Variants in UBP1 observed in about 807,000 individuals in gnomAD.
UBP1 encodes the protein upstream-binding protein 1.
In UBP1, 22 loss-of-function variants were observed where a neutral mutation model predicts 76.1. The ratio of observed to expected loss-of-function variants is 0.29; its 90% CI spans 0.21 to 0.41. UBP1 has a LOEUF of 0.41. Ranked by LOEUF, UBP1 falls within the 10% of genes least tolerant of loss-of-function variation. UBP1 has a pLI of 1.00. For missense variants in UBP1, 436 were observed against 668.1 expected (o/e 0.65, Z 3.83); for synonymous variants, 224 against 237.1 (o/e 0.94, Z 0.51).
intron 8 of UBP1, among the ~76,000 whole-genome samples, chr3:33,406,509 T>A (rs144048711): frequency 7.2e-4 from 109 of 152,288 alleles, no homozygotes; most frequent in Non-Finnish European, 1.1e-3. Context: ...AAGTATCAAG[T>A]CTCTCTAAAC....
chr3:33,409,596 GTGTAC>G lies in UBP1; in HGVS notation c.556_560del (p.Val186LeufsTer14). 6.2e-7 allele frequency: 1 copy of G among 1,614,174 alleles called. No homozygotes were observed. Among genetic ancestry groups the G allele is most frequent in the Non-Finnish European group, 8.5e-7 (1 of 1,180,028 alleles). ...GTGGAGTAAATTCTGTGCTGATGCA[GTGTAC>G]CTATAAAACGATTCAGGCTGAAATG... is the stretch of plus-strand genomic sequence containing the variant. On this transcript the variant is annotated frameshift_variant and splice_region_variant, in exon 6 of 16. Coordinates refer to ENST00000283629, the MANE Select transcript of UBP1 (RefSeq NM_014517.5). LOFTEE classifies it high-confidence loss of function.
rs933497965 is a variant in UBP1, at chr3:33,389,355, G to A, written c.*976C>T. On this transcript the variant is annotated 3_prime_UTR_variant, in exon 16 of 16. Coordinates refer to ENST00000283629, the MANE Select transcript of UBP1 (RefSeq NM_014517.5). ...GAAAAAAATTCATCTTGTTCATAAT[G>A]AAGATCCCTTAACACCTAGTCAGAA... The A allele has an allele frequency of 6.6e-6, 1 of 152,142 alleles. No individual in the cohort carries two copies. The highest frequency in any genetic ancestry group is 2.4e-5 in the African/African-American group (1 of 41,252). 9.4% of individuals were successfully genotyped at this position (152,142 alleles called of 1,614,324 possible).
At chr3:33,405,863 C>T (rs972360740) in intron 8 of UBP1, among the ~76,000 whole-genome samples, 3 of 152,140 alleles carry the variant, frequency 2.0e-5, no homozygotes, top group Admixed American at 2.0e-4. Context: ...TTAAGTCTCA[C>T]CAATGGCTAC....
intron 13 of UBP1, among the ~76,000 whole-genome samples, chr3:33,395,875 A>T (rs2043972387): frequency 6.6e-6 from 1 of 151,148 alleles, no homozygotes; most frequent in African/African-American, 2.4e-5. Flanking sequence ...CCAGAACTCA[A>T]TGCATTCAAG....
At chr3:33,431,339 G>A (rs1383216112) in intron 1 of UBP1, among the ~76,000 whole-genome samples, 1 of 152,126 alleles carries the variant, frequency 6.6e-6, no homozygotes, top group Non-Finnish European at 1.5e-5. Context: ...TAGAACTGGT[G>A]AAATATACCA....
intron 1 of UBP1, among the ~76,000 whole-genome samples, chr3:33,431,350 A>G (rs1159751882): frequency 6.6e-6 from 1 of 152,340 alleles, no homozygotes; most frequent in African/African-American, 2.4e-5. Flanking sequence ...AAATATACCA[A>G]TTCATGGATT....
chr3:33,428,960 T>C (rs2045066931), intron 1 of UBP1, among the ~76,000 whole-genome samples: 1 of 152,078 alleles, frequency 6.6e-6, no homozygotes, highest in Non-Finnish European at 1.5e-5. Flanking sequence ...ATCTTTTCAG[T>C]GACAACATGA....
Position 33,425,570 on chromosome 3 carries a change from T to C in UBP1, c.265+20A>G, listed in dbSNP as rs774539634. ...TTTCTGTAAATTCTTACATGTCAAA[T>C]GTGACATAACCACACTAACCTTGGT... On this transcript the variant is annotated intron_variant, in intron 2 of 15. Transcript: ENST00000283629. 5.4e-6 allele frequency: 8 copies of C among 1,491,232 alleles called. No individual in the cohort carries two copies. The highest frequency in any genetic ancestry group is 7.3e-6 in the Non-Finnish European group (8 of 1,098,948). The allele number at this position is 1,491,232 out of a possible 1,614,324, so 92.4% of individuals were successfully genotyped here. A position where few individuals can be genotyped will look rare whatever the true frequency, so the allele number is the denominator to read the frequency against.
intron 8 of UBP1, among the ~76,000 whole-genome samples, chr3:33,406,465 A>G (rs2044430876): frequency 6.6e-6 from 1 of 152,196 alleles, no homozygotes; most frequent in Non-Finnish European, 1.5e-5. Flanking sequence ...AGCATAACAT[A>G]CATGTATAAA....
At chr3:33,395,641 G>T (rs2043948257) in intron 13 of UBP1, among the ~76,000 whole-genome samples, 1 of 149,520 alleles carries the variant, frequency 6.7e-6, no homozygotes, top group Non-Finnish European at 1.5e-5. Flanking sequence ...CACAATGCTG[G>T]CCGAACACTT....
At chr3:33,441,253 C>G (rs2045297922), upstream of UBP1, 1 of 152,276 alleles carries the variant, frequency 6.6e-6, no homozygotes, top group African/African-American at 2.4e-5. Flanking sequence ...AAAGCAGGAG[C>G]CAGAGGCTGA....
At position 33,389,965 on chromosome 3, in the gene UBP1, A is replaced by T; in HGVS notation, c.*366T>A. The T allele has an allele frequency of 4.9e-6, 1 of 203,622 alleles. No homozygotes were observed. The highest frequency in any genetic ancestry group is 1.0e-5 in the Non-Finnish European group (1 of 100,152). 12.6% of individuals were successfully genotyped at this position (203,622 alleles called of 1,614,324 possible). On this transcript the variant is annotated 3_prime_UTR_variant, in exon 16 of 16. Coordinates refer to ENST00000283629, the MANE Select transcript of UBP1 (RefSeq NM_014517.5). ...AAAGCCAAACTGGCACAGAAAGGTA[A>T]ATGCCCACAGTAAGTTTCTACATTC...
At chr3:33,437,607 G>GT (rs2154060309) in intron 1 of UBP1, among the ~76,000 whole-genome samples, 1 of 152,290 alleles carries the variant, frequency 6.6e-6, no homozygotes, top group South Asian at 2.1e-4. Flanking sequence ...AAATCAATTT[G>GT]TATCAAGAAG....
Position 33,400,198 on chromosome 3 carries a change from T to G in UBP1, c.1171A>C (p.Asn391His), listed in dbSNP as rs1183768688. Residue 391 changes from asparagine (N) to histidine (H), a missense_variant, in exon 11 of 16, where the codon AAT (asparagine) becomes CAT (histidine). This residue lies in a region of UBP1 where 210 missense variants were observed against 272.8 expected (regional missense o/e 0.77). Coordinates refer to ENST00000283629, the MANE Select transcript of UBP1 (RefSeq NM_014517.5). ...RFSSYTRLFS[N>H]FSGADLLKLT... ...ACACACATACACATACCTGAAAAAT[T>G]AGAGAACAGTCTTGTGTAGGAAGAG... 2 of 1,587,660 alleles carry G rather than the reference T, an allele frequency of 1.3e-6. No homozygotes were observed. Among genetic ancestry groups the G allele is most frequent in the African/African-American group, 1.4e-5 (1 of 72,988 alleles).
chr3:33,437,894 G>A (rs1438364454), intron 1 of UBP1, among the ~76,000 whole-genome samples: 1 of 152,090 alleles, frequency 6.6e-6, no homozygotes, highest in African/African-American at 2.4e-5. Flanking sequence ...ATTTGCAAGA[G>A]GCAAGCACTC....
At chr3:33,402,772 G>T in intron 9 of UBP1, 29 bp downstream of exon 9, 1 of 1,458,876 alleles carries the variant, frequency 6.9e-7, no homozygotes, top group Non-Finnish European at 9.2e-7. Flanking sequence ...TTAGTTAGCT[G>T]CAGGCACACG....
chr3:33,425,971 G>A (rs1261284166), intron 1 of UBP1, among the ~76,000 whole-genome samples: 2 of 139,942 alleles, frequency 1.4e-5, no homozygotes, highest in African/African-American at 5.4e-5. Flanking sequence ...GGTGGGAAGT[G>A]GGGGAGGGCG....
chr3:33,390,329 C>T lies in UBP1; in HGVS notation c.*2G>A, dbSNP rs371593680. ...TGAATACAGTTCAGTCTATATAAGA[C>T]ATCACTTCAAAATTATGTGGATGCC... On this transcript the variant is annotated 3_prime_UTR_variant, in exon 16 of 16. Coordinates refer to ENST00000283629, the MANE Select transcript of UBP1 (RefSeq NM_014517.5). 3.7e-6 allele frequency: 6 copies of T among 1,613,878 alleles called. No homozygotes were observed. The African/African-American group carries it at 8.0e-5, about 22-fold the overall frequency.
In UBP1 at chr3:33,412,938, T is replaced by C. The variant is rs1405469994; in HGVS notation, c.343-111A>G. ...TAGCAGTAGAACACATACAACTAGA[T>C]TCTGTTTTAAACATTCTGTAAGTGA... On this transcript the variant is annotated intron_variant, in intron 3 of 15. Coordinates refer to ENST00000283629, the MANE Select transcript of UBP1 (RefSeq NM_014517.5). 5 of 680,694 alleles carry C rather than the reference T, an allele frequency of 7.3e-6. No individual in the cohort carries two copies. In the East Asian group the frequency reaches 1.3e-4, roughly 18 times the overall value. The allele number at this position is 680,694 out of a possible 1,614,324, so 42.2% of individuals were successfully genotyped here.
Sources: gnomAD v4.1 joint callset for allele counts (sites outside exome capture counted in the v4.1 genomes callset) on GRCh38, gnomAD v4.1.1 for gene constraint, gnomAD v4.1.1 regional missense constraint, MANE v1.5 for transcripts, NCBI Gene and HGNC (gene_info 2026-07-23, HGNC 2026-07-21) for gene names.